OTUD4: variants seen among roughly 807,000 people sequenced by gnomAD.
OTUD4 encodes OTU domain-containing protein 4.
OTUD4 carries 24 observed loss-of-function variants against 130.4 expected under a neutral mutation model. The ratio of observed to expected loss-of-function variants is 0.18; its 90% confidence interval spans 0.13 to 0.26. The LOEUF (loss-of-function observed/expected upper bound fraction) is 0.26. Among genes scored for constraint, OTUD4 ranks in the 10% least tolerant of loss-of-function variants. The probability of loss-of-function intolerance (pLI) is 1.00; values close to 1 mark genes in which losing one functional copy is unlikely to be tolerated. For synonymous variants in OTUD4, 420 were observed against 472.5 expected, an observed-to-expected ratio of 0.89 and a Z score of 1.44; for missense variants, 1,031 against 1,329.4, an observed-to-expected ratio of 0.78 and a Z score of 3.49.
At chr4:145,174,082 C>T (rs1368706644) in intron 2 of OTUD4, among the ~76,000 whole-genome samples, 1 of 150,986 alleles carries the variant, frequency 6.6e-6, no homozygotes, top group Non-Finnish European at 1.5e-5. Flanking sequence ...ACTCGGCTCA[C>T]TGCAACCTCT....
rs1175627675 is a variant in OTUD4 at position 145,136,470 on chromosome 4, G to T, written c.*960C>A. On this transcript the variant is annotated 3_prime_UTR_variant, in exon 21 of 21. Transcript: ENST00000447906. ...GATACACAACCAATGGTGCGGGGGG[G>T]GGGGGGAGGAAGAAAACAACTCTAG... 2 of 49,670 alleles carry T rather than the reference G, an allele frequency of 4.0e-5. 1 individual carries two copies. The highest frequency in any genetic ancestry group is 1.4e-4 in the African/African-American group (2 of 14,218). 3.1% of individuals were successfully genotyped at this position (49,670 alleles called of 1,614,324 possible).
At chr4:145,171,857 T>C (rs1197134131) in intron 2 of OTUD4, 137 bp from the exon 3 acceptor site, 4 of 632,926 alleles carry the variant, frequency 6.3e-6, no homozygotes, top group East Asian at 2.9e-5. Flanking sequence ...TTTAAAAATA[T>C]GTACATAATC....
chr4:145,141,030 G>T (rs930140009), intron 19 of OTUD4, among the ~76,000 whole-genome samples: 1 of 151,834 alleles, frequency 6.6e-6, no homozygotes, highest in Admixed American at 6.6e-5. Context: ...GCCAGGCCTG[G>T]TGGCATGTGC....
rs920113883 is a variant in OTUD4 at position 145,171,856 on chromosome 4, A to G, written c.244-136T>C. On this transcript the variant is annotated intron_variant, in intron 2 of 20. Transcript: ENST00000447906. ...AAATACCTCAGTATTATTTAAAAAT[A>G]TGTACATAATCTAATTATGAAAACA... 9.5e-6 allele frequency: 6 copies of G among 633,224 alleles called. No individual in the cohort carries two copies. The East Asian group carries it at 1.2e-4, about 12-fold the overall frequency. The allele number at this position is 633,224 out of a possible 1,614,324, so 39.2% of individuals were successfully genotyped here.
At chr4:145,176,535 A>G in intron 1 of OTUD4, among the ~76,000 whole-genome samples, 1 of 141,134 alleles carries the variant, frequency 7.1e-6, no homozygotes, top group East Asian at 2.0e-4. Flanking sequence ...AAAAAATACA[A>G]AAAAAAAAAA....
In OTUD4 at chr4:145,138,600, G is replaced by A. The variant is rs1750400710; in HGVS notation, c.2175C>T (p.His725=). The A allele has an allele frequency of 6.2e-7, 1 of 1,613,764 alleles. No individual in the cohort carries two copies. Among genetic ancestry groups the A allele is most frequent in the Non-Finnish European group, 8.5e-7 (1 of 1,179,712 alleles). The change falls in exon 21 of 21, where the codon CAC becomes CAT. Residue 725 remains histidine, a synonymous_variant. Transcript: ENST00000447906. ...TCCTGCAGGCTGCCAGGTAGGCCTG[G>A]TGCAGAGGGTACAGGTAAGAATGTG... ...WAPHSYLYPL[H]QAYLAACRMY...
chr4:145,166,248 G>A (rs936893079), intron 3 of OTUD4, among the ~76,000 whole-genome samples: 107 of 152,046 alleles, frequency 7.0e-4, no homozygotes, highest in Non-Finnish European at 6.2e-4. Context: ...TTCTCTTCAG[G>A]GTAAATGAAG....
At chr4:145,145,244 T>C (rs746525723) in intron 14 of OTUD4, among the ~76,000 whole-genome samples, 30 of 152,372 alleles carry the variant, frequency 2.0e-4, no homozygotes, top group Non-Finnish European at 4.1e-4. Context: ...TTGTTATTTA[T>C]ATAATAACAC....
rs975172465 is a variant in OTUD4 at position 145,136,208 on chromosome 4, A to G, written c.*1222T>C. 1 of 152,566 alleles carries G rather than the reference A, an allele frequency of 6.6e-6. No individual in the cohort carries two copies. Among genetic ancestry groups the G allele is most frequent in the African/African-American group, 2.4e-5 (1 of 41,448 alleles). The allele number at this position is 152,566 out of a possible 1,614,324, so 9.5% of individuals were successfully genotyped here. On this transcript the variant is annotated 3_prime_UTR_variant, in exon 21 of 21. Transcript: ENST00000447906. ...GAATACTGTGTTAATTCAGAGTTCA[A>G]TCTCCAAATGAGAACAGAGTGCAAC...
At chr4:145,155,369 G>C in intron 10 of OTUD4, 42 bp downstream of exon 10, 3 of 1,537,966 alleles carry the variant, frequency 2.0e-6, no homozygotes, top group Non-Finnish European at 2.7e-6. Flanking sequence ...AAAAAGCAAA[G>C]TTTCAAGTAA....
chr4:145,140,185 G>C (rs1750493826), intron 19 of OTUD4, among the ~76,000 whole-genome samples, 194 bp from the exon 20 acceptor site: 1 of 152,080 alleles, frequency 6.6e-6, no homozygotes, highest in Non-Finnish European at 1.5e-5. Flanking sequence ...GTTAATTCCA[G>C]ATTCAATAGG....
Position 145,134,671 on chromosome 4 carries a change from G to T in OTUD4, c.*2759C>A. The T allele has an allele frequency of 5.0e-6, 2 of 398,814 alleles. No individual in the cohort carries two copies. Among genetic ancestry groups the T allele is most frequent in the South Asian group, 1.3e-4 (1 of 7,822 alleles). 24.7% of individuals were successfully genotyped at this position (398,814 alleles called of 1,614,324 possible). On this transcript the variant is annotated 3_prime_UTR_variant, in exon 21 of 21. Coordinates refer to ENST00000447906, the MANE Select transcript of OTUD4 (RefSeq NM_001366057.1). The stretch of plus-strand genomic sequence containing the variant: ...GGTCTGCCATGAAAATGAATTTGTG[G>T]GTTATCAGTAAACAGTATGAGGACT...
chr4:145,173,450 C>G (rs1400677072), intron 2 of OTUD4, among the ~76,000 whole-genome samples: 1 of 152,076 alleles, frequency 6.6e-6, no homozygotes, highest in Non-Finnish European at 1.5e-5. Flanking sequence ...TAATGCCTGG[C>G]ATATAGTAAG....
In OTUD4 at chr4:145,142,333, T is replaced by C; in HGVS notation, c.1685A>G (p.Lys562Arg). 1 of 1,613,522 alleles carries C rather than the reference T, an allele frequency of 6.2e-7. No homozygotes were observed. The highest frequency in any genetic ancestry group is 8.5e-7 in the Non-Finnish European group (1 of 1,179,790). The change falls in exon 18 of 21, where the codon AAG becomes AGG. Residue 562 changes from lysine to arginine, a missense_variant and splice_region_variant. Physicochemically the swap from Lys to Arg is conservative, Grantham distance 26. Coordinates refer to ENST00000447906, the MANE Select transcript of OTUD4 (RefSeq NM_001366057.1). ...KLECPSPAEQ[K>R]PAEHVSLSNP... The stretch of plus-strand genomic sequence containing the variant: ...TGACAAAGACACATGTTCTGCTGGC[T>C]TCTTCAAGAAAGGGGTGAGTGGGGG...
At chr4:145,175,299 T>C (rs778211085) in intron 1 of OTUD4, among the ~76,000 whole-genome samples, 1 of 141,722 alleles carries the variant, frequency 7.1e-6, no homozygotes, top group African/African-American at 2.6e-5. Flanking sequence ...ATCAAGCTTA[T>C]AAGACAAGAA....
intron 11 of OTUD4, among the ~76,000 whole-genome samples, chr4:145,151,967 A>G (rs761810243): frequency 2.0e-5 from 3 of 152,210 alleles, no homozygotes; most frequent in Middle Eastern, 3.2e-3. Flanking sequence ...CAAAGTTCCC[A>G]TATTACGATC....
At position 145,174,646 on chromosome 4, in the gene OTUD4, GA is replaced by G; in HGVS notation, c.243+14del. 6.8e-7 allele frequency: 1 copy of G among 1,470,376 alleles called. No homozygotes were observed. Among genetic ancestry groups the G allele is most frequent in the Non-Finnish European group, 9.5e-7 (1 of 1,049,710 alleles). The allele number at this position is 1,470,376 out of a possible 1,614,324, so 91.1% of individuals were successfully genotyped here. ...CAAGTCAAGACACCATTACATGTTT[GA>G]AATTACAAGTTACCGCTTCAAATTT... On this transcript the variant is annotated intron_variant, in intron 2 of 20. Coordinates refer to ENST00000447906, the MANE Select transcript of OTUD4 (RefSeq NM_001366057.1).
chr4:145,139,507 G>A (rs1380734514), intron 20 of OTUD4, among the ~76,000 whole-genome samples: 3 of 152,256 alleles, frequency 2.0e-5, no homozygotes, highest in South Asian at 2.1e-4. Flanking sequence ...GGATGTACAC[G>A]TTATTTCCTT....
At chr4:145,173,253 T>C (rs1374761708) in intron 2 of OTUD4, among the ~76,000 whole-genome samples, 1 of 151,966 alleles carries the variant, frequency 6.6e-6, no homozygotes, top group Non-Finnish European at 1.5e-5. Context: ...TAGCCTGGCG[T>C]GATGGTGCCA....
Sources: allele counts gnomAD v4.1 joint callset (sites outside exome capture counted in the v4.1 genomes callset), GRCh38; gene constraint gnomAD v4.1.1; transcripts MANE v1.5; gene names NCBI Gene and HGNC (gene_info 2026-07-23, HGNC 2026-07-21).